The following CLCN3 variants were observed in gnomAD, a reference collection of about 807,000 sequenced individuals.
The protein encoded by CLCN3 is Cl-/H+ antiporter 3, also known as H(+)/Cl(-) exchange transporter 3.
Under a neutral mutation model 83.4 loss-of-function variants are expected in CLCN3, and 16 were observed. That is an observed-to-expected ratio of 0.19 (90% CI 0.13 to 0.29). The LOEUF (loss-of-function observed/expected upper bound fraction) is 0.29, where lower values mean the gene tolerates loss of function less well. CLCN3 is among the 10% of genes least tolerant of loss of function. The pLI, the probability that CLCN3 is intolerant of heterozygous loss-of-function variation, is 1.00. For synonymous variants in CLCN3, 322 were observed against 346.2 expected (o/e 0.93, Z 0.78); for missense variants, 544 against 1,006.0 (o/e 0.54, Z 6.21).
At chr4:169,640,785 A>G (rs1730390981) in intron 2 of CLCN3, among the ~76,000 whole-genome samples, 1 of 152,202 alleles carries the variant, frequency 6.6e-6, no homozygotes, top group African/African-American at 2.4e-5. Flanking sequence ...TTCTTATAAT[A>G]GATAGTACTA....
At chr4:169,637,150 G>A (rs1304569237) in intron 2 of CLCN3, among the ~76,000 whole-genome samples, 2 of 151,908 alleles carry the variant, frequency 1.3e-5, no homozygotes, top group Non-Finnish European at 2.9e-5. Context: ...TGTGTTTATT[G>A]GCTTTTTAGA....
chr4:169,668,389 A>G (rs543201484), intron 2 of CLCN3, among the ~76,000 whole-genome samples: 16 of 152,286 alleles, frequency 1.1e-4, no homozygotes, highest in South Asian at 4.1e-4. Flanking sequence ...TTTTTCTACT[A>G]TCTGTCAAGT....
intron 2 of CLCN3, 117 bp from the exon 3 acceptor site, chr4:169,679,933 C>CGAGGGA (rs1247150867): frequency 7.6e-6 from 6 of 791,042 alleles, no homozygotes; most frequent in South Asian, 4.6e-5. Flanking sequence ...GAGGTGGAGA[C>CGAGGGA]GAGGGAGAGG....
rs529865887 is a variant in CLCN3, at chr4:169,688,310, C to T, written c.418+553C>T. On this transcript the variant is annotated intron_variant, in intron 4 of 12. Transcript: ENST00000513761. Reference sequence around the variant, plus strand: ...TCCCCTTCATCACCCTGCTATACAGCGTGGCCACAAAGTCCCAATGTGTGA... The same window carrying T: ...TCCCCTTCATCACCCTGCTATACAGTGTGGCCACAAAGTCCCAATGTGTGA... Among the ~76,000 whole-genome samples the T allele has an allele frequency of 6.8e-4, 103 of 152,296 alleles. 1 individual carries two copies. In the South Asian group the frequency reaches 0.014, roughly 21 times the overall value.
At chr4:169,638,302 C>T (rs989987182) in intron 2 of CLCN3, among the ~76,000 whole-genome samples, 3 of 152,230 alleles carry the variant, frequency 2.0e-5, no homozygotes, top group Middle Eastern at 3.4e-3. Context: ...CCCCTTTCTG[C>T]TTCCTTACCA....
chr4:169,623,761 G>T (rs1465735560), intron 1 of CLCN3, among the ~76,000 whole-genome samples: 2 of 151,868 alleles, frequency 1.3e-5, no homozygotes, highest in Non-Finnish European at 2.9e-5. Flanking sequence ...GTGAGATCAT[G>T]CAGTATTTGT....
chr4:169,652,722 A>G (rs1228581734), intron 2 of CLCN3, among the ~76,000 whole-genome samples: 1 of 152,184 alleles, frequency 6.6e-6, no homozygotes, highest in South Asian at 2.1e-4. Context: ...CATTCAGACC[A>G]AGAATGTATG....
intron 2 of CLCN3, among the ~76,000 whole-genome samples, chr4:169,652,666 CTTG>C (rs1192362797): frequency 6.6e-6 from 1 of 152,084 alleles, no homozygotes; most frequent in East Asian, 1.9e-4. Context: ...TGGATGTGAA[CTTG>C]TTGGGTCATA....
intron 12 of CLCN3, among the ~76,000 whole-genome samples, chr4:169,714,124 A>G (rs780775489): frequency 7.9e-5 from 12 of 152,148 alleles, no homozygotes; most frequent in Non-Finnish European, 1.6e-4. Context: ...CTTCATTTCC[A>G]CTATATATTC....
chr4:169,662,143 C>T (rs1249137661), intron 2 of CLCN3, among the ~76,000 whole-genome samples: 1 of 152,126 alleles, frequency 6.6e-6, no homozygotes, highest in Non-Finnish European at 1.5e-5. Context: ...TGAGAGTAGG[C>T]ATGGTTACTG....
At chr4:169,691,670 T>G (rs185009960) in intron 6 of CLCN3, among the ~76,000 whole-genome samples, 3 of 152,220 alleles carry the variant, frequency 2.0e-5, no homozygotes, top group African/African-American at 7.2e-5. Flanking sequence ...TTACTCATTC[T>G]TGATACATAA....
At chr4:169,624,722 T>C (rs973861168) in intron 1 of CLCN3, among the ~76,000 whole-genome samples, 2 of 152,256 alleles carry the variant, frequency 1.3e-5, no homozygotes, top group African/African-American at 2.4e-5. Flanking sequence ...TATTATAATT[T>C]CTGGTACATT....
intron 3 of CLCN3, among the ~76,000 whole-genome samples, chr4:169,685,318 T>G (rs1205432868): frequency 1.3e-5 from 2 of 152,214 alleles, no homozygotes; most frequent in African/African-American, 4.8e-5. Context: ...GTTCCAAAGT[T>G]AAATGAACAA....
chr4:169,663,187 A>G (rs1731121297), intron 2 of CLCN3: 1 of 148,002 alleles, frequency 6.8e-6, no homozygotes, highest in African/African-American at 2.6e-5. Context: ...GTGTATATAT[A>G]TATATACATA....
rs1288867801 is a variant in CLCN3, at chr4:169,690,528, A to C, written c.607-2A>C. The stretch of plus-strand genomic sequence containing the variant: ...CATACTCTCGAACTATTTTCTTTTT[A>C]GGGTCCTGGTTCTTATATCATGAAC... On this transcript the variant is annotated splice_acceptor_variant, in intron 5 of 12. Transcript: ENST00000513761. LOFTEE classifies it high-confidence loss of function. The C allele has an allele frequency of 1.2e-6, 2 of 1,603,332 alleles. No homozygotes were observed. The highest frequency in any genetic ancestry group is 2.7e-5 in the African/African-American group (2 of 74,084).
intron 7 of CLCN3, among the ~76,000 whole-genome samples, chr4:169,694,216 T>C (rs1398773417): frequency 1.3e-5 from 2 of 152,198 alleles, no homozygotes; most frequent in Non-Finnish European, 2.9e-5. Context: ...CACCAAACTT[T>C]TATAAAGTAT....
chr4:169,704,255 T>TTC, intron 10 of CLCN3, 71 bp downstream of exon 10: 1 of 1,446,706 alleles, frequency 6.9e-7, no homozygotes, highest in Non-Finnish European at 9.5e-7. Flanking sequence ...GTGGGACACA[T>TTC]TCTTGCTTAA....
chr4:169,662,239 C>G (rs1731081795), intron 2 of CLCN3, among the ~76,000 whole-genome samples: 1 of 152,120 alleles, frequency 6.6e-6, no homozygotes, highest in Non-Finnish European at 1.5e-5. Context: ...AAATCAGTCC[C>G]ACTCTTGGCA....
intron 1 of CLCN3, among the ~76,000 whole-genome samples, chr4:169,625,176 G>A (rs1581179433): frequency 6.6e-6 from 1 of 152,160 alleles, no homozygotes; most frequent in Non-Finnish European, 1.5e-5. Context: ...CAAATGGCTA[G>A]CTCAGATTTT....
Sources: allele counts gnomAD v4.1 joint callset (sites outside exome capture counted in the v4.1 genomes callset), GRCh38; gene constraint gnomAD v4.1.1; transcripts MANE v1.5; gene names NCBI Gene and HGNC (gene_info 2026-07-23, HGNC 2026-07-21).